CFAP54: variants seen among roughly 807,000 people sequenced by gnomAD.
The protein encoded by CFAP54 is cilia and flagella associated protein 54.
CFAP54 carries 290 observed loss-of-function variants against 370.4 expected under a neutral mutation model. The ratio of observed to expected loss-of-function variants is 0.78; its 90% CI spans 0.71 to 0.86. The LOEUF (loss-of-function observed/expected upper bound fraction) is 0.86, where lower values mean the gene tolerates loss of function less well. Among genes scored for constraint, CFAP54 ranks in the 40% least tolerant of loss-of-function variants. CFAP54 has a pLI of 0.00. For missense variants in CFAP54, 3,399 were observed against 3,528.7 expected (o/e 0.96, Z 0.93); for synonymous variants, 1,206 against 1,236.5 (o/e 0.98, Z 0.52).
At chr12:96,525,956 T>C (rs2136373253) in intron 8 of CFAP54, among the ~76,000 whole-genome samples, 1 of 152,324 alleles carries the variant, frequency 6.6e-6, no homozygotes, top group South Asian at 2.1e-4. Flanking sequence ...AGTGCTGGGA[T>C]TACAGGCGTG....
chr12:96,569,268 C>T (rs969870601), intron 19 of CFAP54, among the ~76,000 whole-genome samples: 1 of 152,116 alleles, frequency 6.6e-6, no homozygotes, highest in Non-Finnish European at 1.5e-5. Flanking sequence ...TTTCTTTTTC[C>T]GTATCAGATG....
chr12:96,804,096 C>T (rs960183092), intron 63 of CFAP54, among the ~76,000 whole-genome samples: 1 of 151,864 alleles, frequency 6.6e-6, no homozygotes, highest in Admixed American at 6.6e-5. Flanking sequence ...ATACAGAATA[C>T]ACTTGAAAGC....
At chr12:96,769,730 T>A (rs528385061) in intron 60 of CFAP54, among the ~76,000 whole-genome samples, 1 of 152,330 alleles carries the variant, frequency 6.6e-6, no homozygotes, top group African/African-American at 2.4e-5. Context: ...ATGGCTGTGA[T>A]AACAAATAGA....
Position 96,623,838 on chromosome 12 carries a change from G to A in CFAP54, c.3843G>A (p.Gln1281=). ...QILLPEKINE[Q]LALLETHLLK... is the part of the protein sequence containing the mutation. ...TACTGCCTGAAAAGATAAATGAACA[G>A]CTGGCCTTGTTGGAGACACACCTAC... Residue 1281 remains glutamine (Q), a synonymous_variant, in exon 28 of 68, where the codon CAG becomes CAA. Coordinates refer to ENST00000524981, the MANE Select transcript of CFAP54 (RefSeq NM_001306084.2). 1 of 1,535,768 alleles carries A rather than the reference G, an allele frequency of 6.5e-7. No individual in the cohort carries two copies. The highest frequency in any genetic ancestry group is 1.2e-5 in the South Asian group (1 of 84,048).
intron 50 of CFAP54, among the ~76,000 whole-genome samples, chr12:96,731,205 TA>T (rs1399572385): frequency 5.3e-5 from 8 of 152,302 alleles, no homozygotes; most frequent in Non-Finnish European, 1.0e-4. Flanking sequence ...ACTTGTAATT[TA>T]AAAAAATGCC....
intron 65 of CFAP54, among the ~76,000 whole-genome samples, chr12:96,820,911 T>C (rs933473938): frequency 9.2e-5 from 14 of 152,214 alleles, no homozygotes; most frequent in African/African-American, 3.4e-4. Context: ...TATTCTTTGC[T>C]GAAATTGTCC....
intron 55 of CFAP54, among the ~76,000 whole-genome samples, chr12:96,749,936 T>TAG (rs1385686571): frequency 1.3e-5 from 2 of 152,194 alleles, no homozygotes; most frequent in Non-Finnish European, 1.5e-5. Context: ...TAAGAATAGC[T>TAG]AGTTCTGCCT....
At chr12:96,773,307 A>G (rs1464327052) in intron 60 of CFAP54, among the ~76,000 whole-genome samples, 2 of 152,196 alleles carry the variant, frequency 1.3e-5, no homozygotes, top group East Asian at 3.9e-4. Flanking sequence ...GTAGGCTTAA[A>G]AACCACACTT....
At chr12:96,544,426 C>A (rs1238397002) in intron 14 of CFAP54, among the ~76,000 whole-genome samples, 1 of 151,342 alleles carries the variant, frequency 6.6e-6, no homozygotes, top group African/African-American at 2.4e-5. Context: ...CTCTCTCTCT[C>A]TCTCTCTCTC....
chr12:96,523,154 T>TG (rs1565883772), intron 8 of CFAP54, among the ~76,000 whole-genome samples: 2 of 152,136 alleles, frequency 1.3e-5, no homozygotes, highest in African/African-American at 4.8e-5. Flanking sequence ...AAAATGAATC[T>TG]GGGGGGAAGG....
At chr12:96,541,855 T>A (rs1312446044) in intron 14 of CFAP54, among the ~76,000 whole-genome samples, 1 of 152,138 alleles carries the variant, frequency 6.6e-6, no homozygotes, top group African/African-American at 2.4e-5. Context: ...TTTCTTCTTA[T>A]CCTTATCATC....
intron 9 of CFAP54, among the ~76,000 whole-genome samples, chr12:96,532,406 G>A (rs1444494057): frequency 6.6e-6 from 1 of 152,154 alleles, no homozygotes; most frequent in Non-Finnish European, 1.5e-5. Context: ...TCTGAATGCA[G>A]GGAACTTCTG....
At chr12:96,694,762 G>A (rs933732689) in intron 45 of CFAP54, among the ~76,000 whole-genome samples, 11 of 151,800 alleles carry the variant, frequency 7.2e-5, no homozygotes, top group African/African-American at 1.5e-4. Flanking sequence ...GATGTCTCAC[G>A]CCTGTAATCC....
intron 66 of CFAP54, among the ~76,000 whole-genome samples, chr12:96,838,211 G>A (rs1230805133): frequency 6.6e-6 from 1 of 151,956 alleles, no homozygotes; most frequent in East Asian, 1.9e-4. Flanking sequence ...GGCTCAGTAG[G>A]GTATAATTTA....
chr12:96,784,606 A>G (rs1438508043), intron 60 of CFAP54, 111 bp from the exon 61 acceptor site: 1 of 774,832 alleles, frequency 1.3e-6, no homozygotes, highest in Non-Finnish European at 1.9e-6. Flanking sequence ...TGAACATAGT[A>G]TCATGTGTCA....
At chr12:96,679,518 C>T (rs959483756) in intron 39 of CFAP54, 82 bp from the exon 40 acceptor site, 53 of 1,420,458 alleles carry the variant, frequency 3.7e-5, no homozygotes, top group Non-Finnish European at 4.4e-5. Context: ...CCAAGAAATT[C>T]TCTGAATTAT....
intron 32 of CFAP54, among the ~76,000 whole-genome samples, chr12:96,638,180 G>A (rs1956680816): frequency 7.6e-6 from 1 of 131,440 alleles, no homozygotes; most frequent in African/African-American, 2.9e-5. Context: ...TATTTTAGCT[G>A]CATCATATAT....
chr12:96,619,071 T>G (rs568117522), intron 26 of CFAP54, among the ~76,000 whole-genome samples: 1 of 152,232 alleles, frequency 6.6e-6, no homozygotes, highest in East Asian at 1.9e-4. Context: ...GCCATGTTGC[T>G]CAGGCTGGTC....
intron 1 of CFAP54, among the ~76,000 whole-genome samples, chr12:96,492,799 C>T (rs1592810627): frequency 1.3e-5 from 2 of 152,316 alleles, no homozygotes; most frequent in African/African-American, 4.8e-5. Context: ...TCAAGATCAG[C>T]CTGGCCAACA....
Sources: allele counts gnomAD v4.1 joint callset (sites outside exome capture counted in the v4.1 genomes callset), GRCh38; gene constraint gnomAD v4.1.1; transcripts MANE v1.5; gene names NCBI Gene and HGNC (gene_info 2026-07-23, HGNC 2026-07-21).